ZBTB44: variants seen among roughly 807,000 people sequenced by gnomAD.
The protein encoded by ZBTB44 is zinc finger and BTB domain-containing protein 44.
A neutral mutation model predicts 54.0 loss-of-function variants in ZBTB44; 15 were observed. That is an observed-to-expected ratio of 0.28 (90% CI 0.19 to 0.43). The LOEUF (loss-of-function observed/expected upper bound fraction) is 0.43, where lower values mean the gene tolerates loss of function less well. Among genes scored for constraint, ZBTB44 ranks in the 20% least tolerant of loss-of-function variants. The pLI is 1.00. For synonymous variants in ZBTB44, 230 were observed against 250.1 expected (o/e 0.92, Z 0.76); for missense variants, 487 against 707.1 (o/e 0.69, Z 3.53).
At chr11:130,234,405 A>G in intron 5 of ZBTB44, 132 bp from the exon 6 acceptor site, 1 of 1,042,096 alleles carries the variant, frequency 9.6e-7, no homozygotes, top group Non-Finnish European at 1.3e-6. Context: ...TGAAGATTAA[A>G]ACTCAGGAAC....
At chr11:130,253,788 C>T (rs751390182) in intron 2 of ZBTB44, among the ~76,000 whole-genome samples, 5 of 151,806 alleles carry the variant, frequency 3.3e-5, no homozygotes, top group Non-Finnish European at 7.4e-5. Context: ...AAGAATAAAG[C>T]TGGAGGCACC....
intron 2 of ZBTB44, among the ~76,000 whole-genome samples, chr11:130,258,249 T>C (rs1238672527): frequency 6.6e-6 from 1 of 152,248 alleles, no homozygotes; most frequent in Non-Finnish European, 1.5e-5. Context: ...GTTACCATTA[T>C]TTCCTAGTCA....
At chr11:130,296,201 G>A in intron 1 of ZBTB44, 2 of 1,291,960 alleles carry the variant, frequency 1.5e-6, no homozygotes, top group Non-Finnish European at 1.1e-6. Context: ...AGGAGCCATT[G>A]TATGTTAGTG....
chr11:130,296,770 G>C (rs1445705493), intron 1 of ZBTB44: 1 of 792,520 alleles, frequency 1.3e-6, no homozygotes, highest in Non-Finnish European at 2.3e-6. Context: ...TACTTTCTTT[G>C]TAAGTCAGCC....
chr11:130,268,018 C>G (rs930489640), intron 1 of ZBTB44, among the ~76,000 whole-genome samples: 6 of 149,472 alleles, frequency 4.0e-5, no homozygotes, highest in African/African-American at 1.2e-4. Flanking sequence ...TGCAGTGAAC[C>G]AAGATCATGC....
At chr11:130,289,596 T>C (rs1309994110) in intron 1 of ZBTB44, among the ~76,000 whole-genome samples, 2 of 108,832 alleles carry the variant, frequency 1.8e-5, no homozygotes, top group South Asian at 2.7e-4. Context: ...TTGCAGACTT[T>C]AAAAAAAAAA....
Position 130,268,723 on chromosome 11 carries a change from C to T in ZBTB44, c.-56-6794G>A, listed in dbSNP as rs180845118. On this transcript the variant is annotated intron_variant, in intron 1 of 7. Coordinates refer to ENST00000357899, the MANE Select transcript of ZBTB44 (RefSeq NM_001301098.2). ...CCTCCTGAGTAGTTGCGAATACAGT[C>T]GCCAGACACTACACCTGGCTAATTT... 7.2e-4 allele frequency among the ~76,000 whole-genome samples: 109 copies of T among 151,986 alleles called. 1 individual carries two copies. The highest frequency in any genetic ancestry group is 1.2e-3 in the Non-Finnish European group (82 of 67,950).
At chr11:130,304,623 TA>T (rs953379106) in intron 1 of ZBTB44, among the ~76,000 whole-genome samples, 4 of 152,022 alleles carry the variant, frequency 2.6e-5, no homozygotes, top group African/African-American at 4.8e-5. Flanking sequence ...TTCTCTTTTT[TA>T]AAAAAAATAT....
At chr11:130,252,437 C>T (rs112032086) in intron 2 of ZBTB44, among the ~76,000 whole-genome samples, 1,841 of 152,286 alleles carry the variant, frequency 0.012, 41 homozygotes, top group African/African-American at 0.042. Context: ...TAATAGACAG[C>T]TATAGAACTC....
chr11:130,254,306 TACAA>T (rs1358569762), intron 2 of ZBTB44, among the ~76,000 whole-genome samples: 2 of 152,116 alleles, frequency 1.3e-5, no homozygotes, highest in African/African-American at 2.4e-5. Context: ...AGAAAATTTT[TACAA>T]TCTACTCAAC....
chr11:130,268,060 C>T (rs1486944516), intron 1 of ZBTB44, among the ~76,000 whole-genome samples: 7 of 143,070 alleles, frequency 4.9e-5, no homozygotes, highest in Admixed American at 2.2e-4. Context: ...CAGAGTGAGA[C>T]TCTGTCTACA....
rs1001350660 is a variant in ZBTB44 at position 130,256,416 on chromosome 11, G to A, written c.1018+4440C>T. Among the ~76,000 whole-genome samples, 4 of 152,294 alleles carry A rather than the reference G, an allele frequency of 2.6e-5. No homozygotes were observed. The South Asian group carries it at 8.3e-4, about 32-fold the overall frequency. On this transcript the variant is annotated intron_variant, in intron 2 of 7. Coordinates refer to ENST00000357899, the MANE Select transcript of ZBTB44 (RefSeq NM_001301098.2). ...ACCCTGGCTGGGCGTGGTGGCTCAC[G>A]CCTGTAATCCCAGCATTTTGGGACG...
intron 2 of ZBTB44, among the ~76,000 whole-genome samples, chr11:130,255,285 C>T (rs1591964684): frequency 6.6e-6 from 1 of 152,094 alleles, no homozygotes; most frequent in African/African-American, 2.4e-5. Flanking sequence ...GGAAACTAAA[C>T]AACCTGCTCC....
At chr11:130,279,436 A>C (rs1451911287) in intron 1 of ZBTB44, among the ~76,000 whole-genome samples, 1 of 152,016 alleles carries the variant, frequency 6.6e-6, no homozygotes, top group Non-Finnish European at 1.5e-5. Flanking sequence ...AGGCAGGTGG[A>C]TCACTTGAGG....
At chr11:130,312,773 G>C (rs1223306788) in intron 1 of ZBTB44, among the ~76,000 whole-genome samples, 1 of 152,228 alleles carries the variant, frequency 6.6e-6, no homozygotes, top group African/African-American at 2.4e-5. Flanking sequence ...AACCCTCAAA[G>C]ACACTTTGGA....
rs1336721684 is a variant in ZBTB44 at position 130,238,593 on chromosome 11, T to G, written c.1118A>C (p.Gln373Pro). The G allele has an allele frequency of 8.7e-6, 14 of 1,610,536 alleles. No individual in the cohort carries two copies. The East Asian group carries it at 3.1e-4, about 36-fold the overall frequency. The change falls in exon 4 of 8, where the codon CAG becomes CCG. Residue 373 changes from glutamine to proline, a missense_variant. Physicochemically the swap from Gln to Pro is moderately conservative, Grantham distance 76. Transcript: ENST00000357899. ...AGCAATGTAGAGTTGGTAGGGATAC[T>G]GAACATTTTCCAATCTAAAAAAAAC... ...PDDDDRLENV[Q>P]YPYQLYIAPS...
At chr11:130,281,001 T>C (rs1940458648) in intron 1 of ZBTB44, among the ~76,000 whole-genome samples, 4 of 152,116 alleles carry the variant, frequency 2.6e-5, no homozygotes, top group South Asian at 2.1e-4. Context: ...CTTTGCCAGG[T>C]TGGGGAAGTT....
intron 1 of ZBTB44, among the ~76,000 whole-genome samples, chr11:130,298,019 A>C (rs1941756073): frequency 6.6e-6 from 1 of 152,250 alleles, no homozygotes; most frequent in South Asian, 2.1e-4. Context: ...GGCTTACTTT[A>C]ATATCAGATA....
chr11:130,276,714 C>T (rs1473851973), intron 1 of ZBTB44, among the ~76,000 whole-genome samples: 6 of 152,140 alleles, frequency 3.9e-5, no homozygotes, highest in African/African-American at 1.4e-4. Flanking sequence ...CAGGTGTTAG[C>T]CACTGTGCCC....
Sources: gnomAD v4.1 joint callset for allele counts (sites outside exome capture counted in the v4.1 genomes callset) on GRCh38, gnomAD v4.1.1 for gene constraint, MANE v1.5 for transcripts, NCBI Gene and HGNC (gene_info 2026-07-23, HGNC 2026-07-21) for gene names.